The following GLIS1 variants were observed in gnomAD, a reference collection of about 807,000 sequenced individuals.
GLIS1 encodes GLIS family zinc finger 1.
A neutral mutation model predicts 63.8 loss-of-function variants in GLIS1; 24 were observed. The ratio of observed to expected loss-of-function variants is 0.38; its 90% CI spans 0.27 to 0.53. The LOEUF (loss-of-function observed/expected upper bound fraction) is 0.53, where lower values mean the gene tolerates loss of function less well. GLIS1 is among the 20% of genes least tolerant of loss of function. The pLI is 0.85. For missense variants in GLIS1, 1,036 were observed against 1,074.1 expected, an observed-to-expected ratio of 0.96 and a Z score of 0.50; for synonymous variants, 450 against 482.5, an observed-to-expected ratio of 0.93 and a Z score of 0.88.
At chr1:53,579,176 C>T (rs1003146014) in intron 4 of GLIS1, among the ~76,000 whole-genome samples, 2 of 152,108 alleles carry the variant, frequency 1.3e-5, no homozygotes, top group African/African-American at 4.8e-5. Flanking sequence ...GAGGAAAGGG[C>T]CCAAAGGCAG....
At chr1:53,534,885 G>C (rs1644567342) in intron 4 of GLIS1, among the ~76,000 whole-genome samples, 1 of 151,922 alleles carries the variant, frequency 6.6e-6, no homozygotes, top group African/African-American at 2.4e-5. Context: ...GCCCTAGGAA[G>C]GGGCTGACCC....
At chr1:53,629,827 G>A (rs1396559309) in intron 2 of GLIS1, among the ~76,000 whole-genome samples, 1 of 152,176 alleles carries the variant, frequency 6.6e-6, no homozygotes, top group Non-Finnish European at 1.5e-5. Context: ...AGCCCAGAGA[G>A]CCTTCTTGAC....
chr1:53,700,806 A>G (rs1646515673), intron 2 of GLIS1, among the ~76,000 whole-genome samples: 1 of 152,134 alleles, frequency 6.6e-6, no homozygotes, highest in African/African-American at 2.4e-5. Context: ...CCCTGGCAAC[A>G]CTAATCTATT....
chr1:53,580,291 T>G (rs1645072443), intron 4 of GLIS1, among the ~76,000 whole-genome samples: 3 of 152,130 alleles, frequency 2.0e-5, no homozygotes, highest in Non-Finnish European at 2.9e-5. Context: ...CCCCAAGCCC[T>G]CCCTTTCCCG....
intron 2 of GLIS1, among the ~76,000 whole-genome samples, chr1:53,649,329 G>T (rs930702855): frequency 2.6e-5 from 4 of 152,178 alleles, no homozygotes; most frequent in African/African-American, 7.2e-5. Context: ...TTAACTATAT[G>T]TTCTGTACGA....
At chr1:53,688,406 C>T (rs1007715615) in intron 2 of GLIS1, among the ~76,000 whole-genome samples, 5 of 152,130 alleles carry the variant, frequency 3.3e-5, no homozygotes, top group African/African-American at 7.2e-5. Flanking sequence ...GCAGTCCTGC[C>T]GAGCCAGGGA....
At chr1:53,563,549 AT>A (rs1644910508) in intron 4 of GLIS1, among the ~76,000 whole-genome samples, 1 of 152,260 alleles carries the variant, frequency 6.6e-6, no homozygotes, top group Admixed American at 6.5e-5. Flanking sequence ...AACTGAAGAA[AT>A]TTCACAGATT....
At chr1:53,723,385 C>G (rs1199083033) in intron 2 of GLIS1, among the ~76,000 whole-genome samples, 2 of 151,688 alleles carry the variant, frequency 1.3e-5, no homozygotes, top group Non-Finnish European at 2.9e-5. Context: ...ATCACAGGTG[C>G]GTGCCACTAT....
chr1:53,667,248 G>A (rs946750485), intron 2 of GLIS1, among the ~76,000 whole-genome samples: 6 of 152,338 alleles, frequency 3.9e-5, no homozygotes, highest in African/African-American at 1.2e-4. Context: ...CACTCCAGGT[G>A]TATCAACCCA....
intron 2 of GLIS1, among the ~76,000 whole-genome samples, chr1:53,717,488 C>T (rs1646712608): frequency 6.6e-6 from 1 of 152,142 alleles, no homozygotes; most frequent in Non-Finnish European, 1.5e-5. Context: ...AGGACATTTG[C>T]CTTTTTGGGG....
chr1:53,520,506 G>T, intron 7 of GLIS1, 128 bp downstream of exon 7: 1 of 1,098,642 alleles, frequency 9.1e-7, no homozygotes, highest in Non-Finnish European at 1.2e-6. Flanking sequence ...ACCAAGTCCA[G>T]ATGAGTGAGT....
At chr1:53,647,004 G>A (rs1163373497) in intron 2 of GLIS1, among the ~76,000 whole-genome samples, 1 of 150,398 alleles carries the variant, frequency 6.6e-6, no homozygotes, top group Admixed American at 6.7e-5. Flanking sequence ...AAGGAAGGGA[G>A]GGATGAAGGA....
chr1:53,573,688 G>A (rs1645005864), intron 4 of GLIS1, among the ~76,000 whole-genome samples: 2 of 152,204 alleles, frequency 1.3e-5, no homozygotes, highest in South Asian at 4.1e-4. Context: ...TTAGAGACGT[G>A]GTGTGAGGAG....
chr1:53,728,261 T>C (rs1197740584), intron 2 of GLIS1, among the ~76,000 whole-genome samples: 3 of 152,066 alleles, frequency 2.0e-5, no homozygotes, highest in Non-Finnish European at 4.4e-5. Context: ...GTCAATCTGG[T>C]GGAATGGAAG....
chr1:53,677,601 C>T (rs1469152216), intron 2 of GLIS1, among the ~76,000 whole-genome samples: 1 of 152,248 alleles, frequency 6.6e-6, no homozygotes. Context: ...TTACATCTGG[C>T]GATGTACAAA....
chr1:53,584,895 A>G (rs1217985634), intron 4 of GLIS1, among the ~76,000 whole-genome samples: 2 of 152,204 alleles, frequency 1.3e-5, no homozygotes, highest in East Asian at 3.8e-4. Flanking sequence ...ATAAATTCTC[A>G]GTTACGAAGT....
chr1:53,660,615 G>A (rs547149257), intron 2 of GLIS1, among the ~76,000 whole-genome samples: 6 of 152,344 alleles, frequency 3.9e-5, no homozygotes, highest in African/African-American at 1.4e-4. Flanking sequence ...GCCTGGGGTG[G>A]AGAAAAGGGG....
At position 53,639,818 on chromosome 1, in the gene GLIS1, C is replaced by T. The variant is rs1328122151; in HGVS notation, c.260-39540G>A. 5.3e-5 allele frequency among the ~76,000 whole-genome samples: 8 copies of T among 152,082 alleles called. No homozygotes were observed. Among genetic ancestry groups the T allele is most frequent in the Admixed American group, 1.3e-4 (2 of 15,264 alleles). Reference sequence around the variant, plus strand: ...AGGACTATACTCCTCACAGCTGCCCCGAGGTTCTGCTTTGCCACTGAGGAA... The same window carrying T: ...AGGACTATACTCCTCACAGCTGCCCTGAGGTTCTGCTTTGCCACTGAGGAA... On this transcript the variant is annotated intron_variant, in intron 2 of 10. Transcript: ENST00000628545. The surrounding 1 kb of genome is among the most constrained non-coding windows in gnomAD (Gnocchi z 4.6).
chr1:53,606,504 G>A (rs989844402), intron 2 of GLIS1, among the ~76,000 whole-genome samples: 9 of 152,202 alleles, frequency 5.9e-5, no homozygotes, highest in African/African-American at 9.7e-5. Context: ...GCAGCTCACC[G>A]CAGGACACAC....
Sources: gnomAD v4.1 joint callset for allele counts (sites outside exome capture counted in the v4.1 genomes callset) on GRCh38, gnomAD v4.1.1 for gene constraint, Gnocchi (gnomAD v3.1) non-coding constraint, MANE v1.5 for transcripts, NCBI Gene and HGNC (gene_info 2026-07-23, HGNC 2026-07-21) for gene names.